The following FAM124A variants were observed in gnomAD, a reference collection of about 807,000 sequenced individuals.
FAM124A encodes protein FAM124A.
In FAM124A, 23 loss-of-function variants were observed where a neutral mutation model predicts 24.5. The observed-to-expected ratio is 0.94, with a 90% CI of 0.68 to 1.33. FAM124A has a LOEUF of 1.33. Among genes scored for constraint, FAM124A ranks in the 40% most tolerant of loss-of-function variants. The pLI, the probability that FAM124A is intolerant of heterozygous loss-of-function variation, is 0.00. For synonymous variants in FAM124A, 287 were observed against 314.7 expected, an observed-to-expected ratio of 0.91 and a Z score of 0.93; for missense variants, 623 against 722.8, an observed-to-expected ratio of 0.86 and a Z score of 1.58.
intron 2 of FAM124A, among the ~76,000 whole-genome samples, chr13:51,247,672 G>A (rs1422033573): frequency 5.9e-5 from 9 of 152,062 alleles, no homozygotes; most frequent in East Asian, 5.8e-4. Context: ...TTGACCCCTC[G>A]TTCAAAGCCT....
chr13:51,230,492 A>G (rs1362497358), intron 1 of FAM124A, among the ~76,000 whole-genome samples: 1 of 152,244 alleles, frequency 6.6e-6, no homozygotes, highest in East Asian at 1.9e-4. Flanking sequence ...ATGGCAGAAT[A>G]AATCCCTACG....
At chr13:51,267,178 C>G (rs1373629334) in intron 3 of FAM124A, among the ~76,000 whole-genome samples, 1 of 152,150 alleles carries the variant, frequency 6.6e-6, no homozygotes, top group Admixed American at 6.5e-5. Flanking sequence ...TTGAATCAAG[C>G]CATTATTGTC....
chr13:51,268,651 C>T (rs1257966644), intron 3 of FAM124A, among the ~76,000 whole-genome samples: 1 of 152,192 alleles, frequency 6.6e-6, no homozygotes, highest in African/African-American at 2.4e-5. Context: ...GAGGACACCA[C>T]GTTGTAGGGC....
rs1954929097 is a variant in FAM124A at position 51,280,812 on chromosome 13, C to T, written c.1197C>T (p.His399=). ...GGGCATCAGAGTGGAGGCATGGCCA[C>T]CTCCTCTCCATCGATGACCTAGAGG... ...GHRASEWRHG[H]LLSIDDLEGA... Residue 399 remains histidine (H), a synonymous_variant, in exon 4 of 4, where the codon CAC becomes CAT. Transcript: ENST00000322475. 3.1e-6 allele frequency: 5 copies of T among 1,614,036 alleles called. No individual in the cohort carries two copies. Among genetic ancestry groups the T allele is most frequent in the Non-Finnish European group, 4.2e-6 (5 of 1,180,052 alleles).
At chr13:51,247,106 G>A (rs540681662) in intron 2 of FAM124A, among the ~76,000 whole-genome samples, 1 of 152,334 alleles carries the variant, frequency 6.6e-6, no homozygotes, top group South Asian at 2.1e-4. Flanking sequence ...AAATGTAAGT[G>A]GGTGTCCAAG....
At chr13:51,241,097 G>C (rs528007882) in intron 2 of FAM124A, among the ~76,000 whole-genome samples, 1 of 152,318 alleles carries the variant, frequency 6.6e-6, no homozygotes, top group Non-Finnish European at 1.5e-5. Flanking sequence ...CCCAGCTCTT[G>C]CAACAGAGAG....
At chr13:51,279,637 C>T (rs1000249198) in intron 3 of FAM124A, among the ~76,000 whole-genome samples, 1 of 152,072 alleles carries the variant, frequency 6.6e-6, no homozygotes, top group Admixed American at 6.5e-5. Context: ...ACAACAGAAA[C>T]GGGTTACTGG....
At chr13:51,262,016 C>T (rs539382331) in intron 3 of FAM124A, among the ~76,000 whole-genome samples, 9 of 152,202 alleles carry the variant, frequency 5.9e-5, no homozygotes, top group East Asian at 1.9e-4. Context: ...ATGAGAGCCA[C>T]GGCATAGGGA....
chr13:51,273,824 T>C (rs955440386), intron 3 of FAM124A, among the ~76,000 whole-genome samples: 1 of 152,240 alleles, frequency 6.6e-6, no homozygotes, highest in Non-Finnish European at 1.5e-5. Context: ...TCACGGGATA[T>C]TTCTCTTTGG....
chr13:51,273,726 CT>C lies in FAM124A; in HGVS notation c.835-6722del, dbSNP rs372651029. Among the ~76,000 whole-genome samples the C allele has an allele frequency of 3.3e-4, 51 of 152,322 alleles. 1 individual carries two copies. In the East Asian group the frequency reaches 8.5e-3, roughly 25 times the overall value. ...AATTCAAAAACAAAATACTCTATCT[CT>C]TGTTGTTCAAATAAAGTAAGAATGA... On this transcript the variant is annotated intron_variant, in intron 3 of 3. Transcript: ENST00000322475.
chr13:51,247,750 G>A (rs1954578320), intron 2 of FAM124A, among the ~76,000 whole-genome samples: 1 of 152,178 alleles, frequency 6.6e-6, no homozygotes. Context: ...TCCACTGTTG[G>A]GAGTTCAAGG....
chr13:51,277,063 G>T (rs1954891921), intron 3 of FAM124A, among the ~76,000 whole-genome samples: 1 of 151,948 alleles, frequency 6.6e-6, no homozygotes, highest in Non-Finnish European at 1.5e-5. Flanking sequence ...CAGTAGCAAA[G>T]ATATGGAATC....
At chr13:51,244,488 A>G (rs1566164912) in intron 2 of FAM124A, among the ~76,000 whole-genome samples, 1 of 152,264 alleles carries the variant, frequency 6.6e-6, no homozygotes, top group Admixed American at 6.5e-5. Flanking sequence ...TGACAATCAT[A>G]TTAATCGTTG....
intron 2 of FAM124A, chr13:51,245,529 A>G (rs562153690): frequency 2.2e-6 from 1 of 451,270 alleles, no homozygotes; most frequent in African/African-American, 2.0e-5. Flanking sequence ...TAGAAAAGAA[A>G]TGATTTGGGG....
intron 1 of FAM124A, among the ~76,000 whole-genome samples, chr13:51,228,336 T>C (rs1954338101): frequency 1.3e-5 from 2 of 152,332 alleles, no homozygotes; most frequent in Admixed American, 6.5e-5. Context: ...GTAATTAATA[T>C]AGACAAGGGA....
At chr13:51,229,248 T>G (rs1486517603) in intron 1 of FAM124A, among the ~76,000 whole-genome samples, 1 of 152,214 alleles carries the variant, frequency 6.6e-6, no homozygotes, top group African/African-American at 2.4e-5. Flanking sequence ...TTGAATTTCA[T>G]CCAGAGAGAG....
At chr13:51,229,948 C>G (rs7324210) in intron 1 of FAM124A, among the ~76,000 whole-genome samples, 152,154 of 152,300 alleles carry the variant, frequency 1, 76,004 homozygotes, top group Middle Eastern at 1. Context: ...CAGTCAATCC[C>G]TTCTGCCTTC....
At chr13:51,250,463 A>G (rs1379379758) in intron 2 of FAM124A, among the ~76,000 whole-genome samples, 1 of 152,220 alleles carries the variant, frequency 6.6e-6, no homozygotes, top group Non-Finnish European at 1.5e-5. Flanking sequence ...TTTATCAGGT[A>G]TAGTTATATG....
At chr13:51,269,950 C>T (rs1054589862) in intron 3 of FAM124A, among the ~76,000 whole-genome samples, 1 of 152,182 alleles carries the variant, frequency 6.6e-6, no homozygotes, top group Non-Finnish European at 1.5e-5. Flanking sequence ...TTACGTACAG[C>T]CAGAATCCCA....
Sources: gnomAD v4.1 joint callset for allele counts (sites outside exome capture counted in the v4.1 genomes callset) on GRCh38, gnomAD v4.1.1 for gene constraint, MANE v1.5 for transcripts, NCBI Gene and HGNC (gene_info 2026-07-23, HGNC 2026-07-21) for gene names.